RAB37: variants seen among roughly 807,000 people sequenced by gnomAD.
The protein encoded by RAB37 is RAB37, member RAS oncogene family.
RAB37 carries 29 observed loss-of-function variants against 33.1 expected under a neutral mutation model. The ratio of observed to expected loss-of-function variants is 0.88; its 90% CI spans 0.65 to 1.20. RAB37 has a LOEUF of 1.20. Ranked by LOEUF, RAB37 falls within the 50% of genes most tolerant of loss-of-function variation. The pLI, the probability that RAB37 is intolerant of heterozygous loss-of-function variation, is 0.00. For synonymous variants in RAB37, 128 were observed against 119.5 expected (o/e 1.07, Z -0.47); for missense variants, 299 against 301.1 (o/e 0.99, Z 0.05).
At chr17:74,681,353 G>C (rs1054118590) in intron 1 of RAB37, among the ~76,000 whole-genome samples, 1 of 152,234 alleles carries the variant, frequency 6.6e-6, no homozygotes, top group African/African-American at 2.4e-5. Flanking sequence ...AAGGTCAGAG[G>C]GCTCTGAGCC....
At chr17:74,687,190 GTTTAT>G (rs1336789311) in intron 1 of RAB37, among the ~76,000 whole-genome samples, 1 of 151,382 alleles carries the variant, frequency 6.6e-6, no homozygotes, top group Non-Finnish European at 1.5e-5. Context: ...TATTTATTCA[GTTTAT>G]TTTATTTATT....
intron 1 of RAB37, among the ~76,000 whole-genome samples, chr17:74,728,628 T>A (rs980397250): frequency 1.3e-5 from 2 of 151,872 alleles, no homozygotes; most frequent in Non-Finnish European, 2.9e-5. Context: ...TGCCTCTGTA[T>A]GCATCTGTTT....
intron 1 of RAB37, chr17:74,703,280 TC>T: frequency 1.5e-6 from 1 of 649,726 alleles, no homozygotes; most frequent in Non-Finnish European, 2.7e-6. Context: ...CCTGGACCAC[TC>T]ATGTCTCCCT....
intron 1 of RAB37, among the ~76,000 whole-genome samples, chr17:74,718,326 TATCATATC>T (rs2144002835): frequency 6.7e-6 from 1 of 149,028 alleles, no homozygotes; most frequent in East Asian, 2.0e-4. Context: ...CATCATATCA[TATCATATC>T]ATATCATATC....
intron 1 of RAB37, among the ~76,000 whole-genome samples, chr17:74,691,872 T>TC (rs1261764683): frequency 6.6e-6 from 1 of 151,618 alleles, no homozygotes; most frequent in East Asian, 1.9e-4. Flanking sequence ...TGCCATTTTT[T>TC]TTTTTTTTTT....
chr17:74,718,279 G>A (rs541128242), intron 1 of RAB37, among the ~76,000 whole-genome samples: 6 of 151,850 alleles, frequency 4.0e-5, no homozygotes, highest in Non-Finnish European at 8.8e-5. Flanking sequence ...AGGTGACAGA[G>A]TGAGACACTG....
chr17:74,695,349 C>T, intron 1 of RAB37: 4 of 1,439,796 alleles, frequency 2.8e-6, no homozygotes, highest in Non-Finnish European at 3.8e-6. Context: ...ATGGACCATT[C>T]AGGGCTTCTA....
At chr17:74,689,956 G>A (rs564029263) in intron 1 of RAB37, among the ~76,000 whole-genome samples, 9 of 152,206 alleles carry the variant, frequency 5.9e-5, no homozygotes, top group Admixed American at 2.6e-4. Flanking sequence ...GGCTTATCAA[G>A]TGGAATCTTT....
chr17:74,708,600 C>T (rs1255591726), intron 1 of RAB37, among the ~76,000 whole-genome samples: 1 of 152,130 alleles, frequency 6.6e-6, no homozygotes, highest in Non-Finnish European at 1.5e-5. Context: ...GCCAAACACC[C>T]AAAATGGTTT....
Position 74,688,295 on chromosome 17 carries a change from A to C in RAB37, c.72+16637A>C, listed in dbSNP as rs151126386. 4.5e-3 allele frequency among the ~76,000 whole-genome samples: 679 copies of C among 152,326 alleles called. 6 individuals are homozygous for C. Among genetic ancestry groups the C allele is most frequent in the African/African-American group, 0.015 (634 of 41,572 alleles). ...CCGGGCGTGGTGGCTCACGTCTGTAATCCCAGCACTTTGGGAGGCCAAGGC... is the reference window on the plus strand; with the variant it reads ...CCGGGCGTGGTGGCTCACGTCTGTACTCCCAGCACTTTGGGAGGCCAAGGC... On this transcript the variant is annotated intron_variant, in intron 1 of 7. Coordinates refer to the RAB37 transcript ENST00000340415.
chr17:74,735,018 G>GA (rs2034449471), upstream of RAB37, among the ~76,000 whole-genome samples: 35 of 82,242 alleles, frequency 4.3e-4, no homozygotes, highest in East Asian at 1.9e-3. Context: ...AGGAAGGAAG[G>GA]AAGAAAGAAA....
intron 1 of RAB37, among the ~76,000 whole-genome samples, chr17:74,715,258 C>T (rs935724349): frequency 6.6e-6 from 1 of 152,204 alleles, no homozygotes; most frequent in Non-Finnish European, 1.5e-5. Context: ...AGGGACGCAA[C>T]CCCCTCACAC....
At position 74,744,756 on chromosome 17, in the gene RAB37, T is replaced by G. The variant is rs1385087683; in HGVS notation, c.433-117T>G. On this transcript the variant is annotated intron_variant, in intron 6 of 8. Transcript: ENST00000392613. The surrounding 1 kb of genome is among the most constrained non-coding windows in gnomAD (Gnocchi z 4.2). ...ACCCTGGCCCCAGGCCAATCACACC[T>G]GCCTGCAGTCCCTTGGGCCACCAGC... is the stretch of plus-strand genomic sequence containing the variant. 8.1e-7 allele frequency: 1 copy of G among 1,228,298 alleles called. No individual in the cohort carries two copies. Among genetic ancestry groups the G allele is most frequent in the Non-Finnish European group, 1.2e-6 (1 of 831,984 alleles). The allele number at this position is 1,228,298 out of a possible 1,614,324, so 76.1% of individuals were successfully genotyped here.
chr17:74,744,856 C>T lies in RAB37; in HGVS notation c.433-17C>T. 6.2e-7 allele frequency: 1 copy of T among 1,614,214 alleles called. No homozygotes were observed. Among genetic ancestry groups the T allele is most frequent in the Non-Finnish European group, 8.5e-7 (1 of 1,180,026 alleles). ...CGGAGGCCTCCTTCCCCAGAGTGAC[C>T]CATTTGGGCTTGACAGGCGGATATG... On this transcript the variant is annotated splice_polypyrimidine_tract_variant and intron_variant, in intron 6 of 8. Coordinates refer to ENST00000392613, the MANE Select transcript of RAB37 (RefSeq NM_001006638.3). This position sits in a 1 kb window ranked among gnomAD's most constrained non-coding sequence, Gnocchi z 4.2.
At chr17:74,680,634 A>C (rs2031935455) in intron 1 of RAB37, among the ~76,000 whole-genome samples, 1 of 149,840 alleles carries the variant, frequency 6.7e-6, no homozygotes, top group Admixed American at 6.7e-5. Context: ...CCCTTGCCCC[A>C]CCTCTGCCTC....
At chr17:74,690,004 T>A (rs775864116) in intron 1 of RAB37, among the ~76,000 whole-genome samples, 2 of 152,210 alleles carry the variant, frequency 1.3e-5, no homozygotes, top group Non-Finnish European at 2.9e-5. Flanking sequence ...GAGGCTGGTG[T>A]GCAGTGGTAC....
chr17:74,726,940 C>T (rs2144023591), intron 1 of RAB37, among the ~76,000 whole-genome samples: 2 of 152,358 alleles, frequency 1.3e-5, no homozygotes, highest in East Asian at 3.9e-4. Context: ...CATTTATCCA[C>T]TCACCCATTC....
chr17:74,744,921 T>C lies in RAB37; in HGVS notation c.481T>C (p.Leu161=). Residue 161 remains leucine, a synonymous_variant, in exon 7 of 9, where the codon TTG becomes CTG. Coordinates refer to ENST00000392613, the MANE Select transcript of RAB37 (RefSeq NM_001006638.3). The surrounding 1 kb of genome is among the most constrained non-coding windows in gnomAD (Gnocchi z 4.2). ...RVIRSEDGET[L]AREYGVPFLE... ...GATCCGTTCCGAAGACGGAGAGACC[T>C]TGGCCAGGGTAAGTGATTGTCTGTG... 6.2e-7 allele frequency: 1 copy of C among 1,614,256 alleles called. No homozygotes were observed. Among genetic ancestry groups the C allele is most frequent in the Non-Finnish European group, 8.5e-7 (1 of 1,180,040 alleles).
chr17:74,694,356 G>A (rs942938426), intron 1 of RAB37: 1 of 152,214 alleles, frequency 6.6e-6, no homozygotes, highest in African/African-American at 2.4e-5. Context: ...TGCAATTCTG[G>A]AGGCCAGGAG....
Sources: gnomAD v4.1 joint callset for allele counts (sites outside exome capture counted in the v4.1 genomes callset) on GRCh38, gnomAD v4.1.1 for gene constraint, Gnocchi (gnomAD v3.1) non-coding constraint, MANE v1.5 for transcripts, NCBI Gene and HGNC (gene_info 2026-07-23, HGNC 2026-07-21) for gene names.